IMPA2: variants seen among roughly 807,000 people sequenced by gnomAD.
IMPA2 encodes inositol monophosphatase 2.
IMPA2 carries 32 observed loss-of-function variants against 35.1 expected under a neutral mutation model. The observed-to-expected ratio is 0.91, with a 90% CI of 0.69 to 1.23. The LOEUF (loss-of-function observed/expected upper bound fraction) is 1.23, where lower values mean the gene tolerates loss of function less well. Ranked by LOEUF, IMPA2 falls within the 50% of genes most tolerant of loss-of-function variation. IMPA2 has a pLI of 0.00. For synonymous variants in IMPA2, 135 were observed against 160.6 expected, an observed-to-expected ratio of 0.84 and a Z score of 1.20; for missense variants, 334 against 387.6, an observed-to-expected ratio of 0.86 and a Z score of 1.16.
At chr18:12,024,573 A>ACT (rs1331413166) in intron 5 of IMPA2, among the ~76,000 whole-genome samples, 2 of 152,218 alleles carry the variant, frequency 1.3e-5, no homozygotes, top group Non-Finnish European at 2.9e-5. Flanking sequence ...ACAAGATGTC[A>ACT]CTGCCACTTC....
intron 5 of IMPA2, among the ~76,000 whole-genome samples, chr18:12,016,934 A>G (rs1907594892): frequency 6.6e-6 from 1 of 152,176 alleles, no homozygotes; most frequent in South Asian, 2.1e-4. Context: ...TTTGCACAAA[A>G]CCAATCAAGT....
At chr18:11,986,548 G>C (rs1193211886) in intron 1 of IMPA2, among the ~76,000 whole-genome samples, 2 of 152,158 alleles carry the variant, frequency 1.3e-5, no homozygotes, top group African/African-American at 4.8e-5. Context: ...ACATTGGTGG[G>C]CTCTGGACCC....
At chr18:12,015,904 G>A (rs1399112923) in intron 5 of IMPA2, among the ~76,000 whole-genome samples, 1 of 152,248 alleles carries the variant, frequency 6.6e-6, no homozygotes. Flanking sequence ...TTGGCATCCT[G>A]GCTGCCCGCC....
At chr18:11,993,798 A>G (rs1253824091) in intron 1 of IMPA2, among the ~76,000 whole-genome samples, 1 of 152,204 alleles carries the variant, frequency 6.6e-6, no homozygotes, top group Non-Finnish European at 1.5e-5. Context: ...GTCCAAAGAC[A>G]TGGAGGTACA....
At chr18:11,995,732 A>G (rs1356923773) in intron 1 of IMPA2, among the ~76,000 whole-genome samples, 1 of 152,166 alleles carries the variant, frequency 6.6e-6, no homozygotes, top group East Asian at 1.9e-4. Context: ...GGATGGAAGC[A>G]CTGGATCTTT....
intron 2 of IMPA2, among the ~76,000 whole-genome samples, chr18:11,999,972 C>CT (rs1478553641): frequency 6.6e-6 from 1 of 152,096 alleles, no homozygotes; most frequent in East Asian, 1.9e-4. Context: ...TGCAAGGGAT[C>CT]TTTTTTCTTC....
intron 5 of IMPA2, among the ~76,000 whole-genome samples, chr18:12,021,087 G>GTATTAAATATTAAA (rs1907716445): frequency 6.6e-6 from 1 of 152,056 alleles, no homozygotes; most frequent in Admixed American, 6.6e-5. Flanking sequence ...TTTTTGTGAA[G>GTATTAAATATTAAA]TATTAAAATA....
chr18:12,011,430 G>C (rs1330613363), intron 3 of IMPA2, among the ~76,000 whole-genome samples: 2 of 152,230 alleles, frequency 1.3e-5, no homozygotes, highest in Non-Finnish European at 2.9e-5. Context: ...CGTGAGGCCT[G>C]GCACATGGTG....
At chr18:12,021,119 C>T (rs947748319) in intron 5 of IMPA2, among the ~76,000 whole-genome samples, 14 of 152,060 alleles carry the variant, frequency 9.2e-5, no homozygotes, top group Non-Finnish European at 1.6e-4. Flanking sequence ...AGGCGAGGCA[C>T]GATGGCTCAC....
chr18:12,022,966 T>TTTTTTTTTTA (rs71172046), intron 5 of IMPA2, among the ~76,000 whole-genome samples: 1 of 130,122 alleles, frequency 7.7e-6, no homozygotes, highest in Non-Finnish European at 1.6e-5. Context: ...TTTTTTTTTT[T>TTTTTTTTTTA]GTACTTTTAG....
intron 2 of IMPA2, among the ~76,000 whole-genome samples, chr18:12,009,313 C>G (rs1375153664): frequency 6.6e-6 from 1 of 152,032 alleles, no homozygotes; most frequent in Non-Finnish European, 1.5e-5. Flanking sequence ...AAGTCAGATA[C>G]CAGGGCAGGA....
chr18:11,988,903 C>T (rs1182196975), intron 1 of IMPA2, among the ~76,000 whole-genome samples: 1 of 152,180 alleles, frequency 6.6e-6, no homozygotes, highest in Non-Finnish European at 1.5e-5. Flanking sequence ...GCAATCACAG[C>T]TTCTACCTCC....
Position 11,981,736 on chromosome 18 carries a change from G to T in IMPA2, c.67G>T (p.Ala23Ser). Residue 23 changes from alanine to serine, a missense_variant, in exon 1 of 8, where the codon GCC (alanine) becomes TCC (serine). Physicochemically the swap from Ala to Ser is moderately conservative, Grantham distance 99. Coordinates refer to ENST00000269159, the MANE Select transcript of IMPA2 (RefSeq NM_014214.3). ...CCCCTGGGAGGAGTGCTTCCAGGCGGCCGTGCAGCTGGCGCTGCGGGCAGG... is the reference window on the plus strand; with the variant it reads ...CCCCTGGGAGGAGTGCTTCCAGGCGTCCGTGCAGCTGGCGCTGCGGGCAGG... Reference protein sequence around the residue: ...AGPWEECFQAAVQLALRAGQI... With the variant: ...AGPWEECFQASVQLALRAGQI... 8.1e-7 allele frequency: 1 copy of T among 1,229,612 alleles called. No homozygotes were observed. Among genetic ancestry groups the T allele is most frequent in the Non-Finnish European group, 1.0e-6 (1 of 986,416 alleles). 76.2% of individuals were successfully genotyped at this position (1,229,612 alleles called of 1,614,324 possible).
At chr18:12,027,914 G>A (rs1907926643) in intron 5 of IMPA2, 129 bp from the exon 6 acceptor site, 1 of 624,498 alleles carries the variant, frequency 1.6e-6, no homozygotes, top group Middle Eastern at 3.1e-4. Context: ...TATCAAAAAA[G>A]CATTCAGCAT....
chr18:12,027,522 C>T (rs1047114830), intron 5 of IMPA2, among the ~76,000 whole-genome samples: 5 of 150,160 alleles, frequency 3.3e-5, no homozygotes, highest in Non-Finnish European at 7.4e-5. Context: ...TTGAGTGTTC[C>T]CAGTTTGGAG....
chr18:11,994,541 C>T (rs1339801419), intron 1 of IMPA2, among the ~76,000 whole-genome samples: 1 of 152,214 alleles, frequency 6.6e-6, no homozygotes, highest in African/African-American at 2.4e-5. Flanking sequence ...CTCCTCCACA[C>T]ACACAGCTGT....
intron 4 of IMPA2, among the ~76,000 whole-genome samples, chr18:12,013,509 A>T (rs1907490583): frequency 6.6e-6 from 1 of 152,132 alleles, no homozygotes; most frequent in East Asian, 1.9e-4. Flanking sequence ...TTCCTAAGGC[A>T]TTTGGCCAGG....
intron 2 of IMPA2, among the ~76,000 whole-genome samples, chr18:12,005,489 A>G (rs1029586442): frequency 1.6e-3 from 86 of 54,626 alleles, no homozygotes; most frequent in African/African-American, 0.014. Flanking sequence ...TGTCTCCAAG[A>G]AAAAAAAAAA....
intron 2 of IMPA2, among the ~76,000 whole-genome samples, chr18:12,003,522 A>ATGCCTGTAGTCCCAGCTACT (rs1490864833): frequency 1.3e-5 from 2 of 151,596 alleles, no homozygotes; most frequent in Non-Finnish European, 2.9e-5. Flanking sequence ...ATGGTGGCGC[A>ATGCCTGTAGTCCCAGCTACT]TGCCTGTAGT....
Sources: gnomAD v4.1 joint callset for allele counts (sites outside exome capture counted in the v4.1 genomes callset) on GRCh38, gnomAD v4.1.1 for gene constraint, MANE v1.5 for transcripts, NCBI Gene and HGNC (gene_info 2026-07-23, HGNC 2026-07-21) for gene names.